The following CEP104 variants were observed in gnomAD, a reference collection of about 807,000 sequenced individuals.
CEP104 encodes the protein centrosomal protein of 104 kDa.
A neutral mutation model predicts 113.3 loss-of-function variants in CEP104; 84 were observed. That is an observed-to-expected ratio of 0.74 (90% confidence interval 0.62 to 0.89). The LOEUF (loss-of-function observed/expected upper bound fraction) is 0.89, where lower values mean the gene tolerates loss of function less well. Ranked by LOEUF, CEP104 falls within the 40% of genes least tolerant of loss-of-function variation. The pLI, the probability that CEP104 is intolerant of heterozygous loss-of-function variation, is 0.00. For missense variants in CEP104, 1,053 were observed against 1,156.6 expected (o/e 0.91, Z 1.30); for synonymous variants, 378 against 421.7 (o/e 0.90, Z 1.27).
intron 17 of CEP104, 61 bp from the exon 18 acceptor site, chr1:3,825,927 G>A (rs780137572): frequency 4.6e-5 from 51 of 1,108,432 alleles, no homozygotes; most frequent in Non-Finnish European, 6.8e-5. Flanking sequence ...TGGCCGTTCC[G>A]CTCCCACGTC....
chr1:3,818,268 A>T (rs1449736593), intron 20 of CEP104, among the ~76,000 whole-genome samples: 1 of 152,162 alleles, frequency 6.6e-6, no homozygotes, highest in East Asian at 1.9e-4. Flanking sequence ...TCCCAGTATC[A>T]TGACCTTAAA....
intron 20 of CEP104, among the ~76,000 whole-genome samples, chr1:3,817,056 C>T (rs145624155): frequency 1.6e-4 from 24 of 152,326 alleles, no homozygotes; most frequent in African/African-American, 4.3e-4. Context: ...CGAGGCTGGG[C>T]GCGGTGGCTC....
intron 20 of CEP104, among the ~76,000 whole-genome samples, chr1:3,821,193 G>A (rs1643965876): frequency 6.6e-6 from 1 of 152,242 alleles, no homozygotes; most frequent in African/African-American, 2.4e-5. Flanking sequence ...CACCAAACAG[G>A]AGGGAGCTCT....
At position 3,833,853 on chromosome 1, in the gene CEP104, A is replaced by C. The variant is rs1276750303; in HGVS notation, c.1659+9T>G. 4 of 1,613,536 alleles carry C rather than the reference A, an allele frequency of 2.5e-6. No homozygotes were observed. The highest frequency in any genetic ancestry group is 3.4e-6 in the Non-Finnish European group (4 of 1,179,618). On this transcript the variant is annotated intron_variant, in intron 12 of 21. Transcript: ENST00000378230. ...TCTACGGTTTCAAATGCCGTGGTGA[A>C]GTTCAGACCTGAATAAAATTTGCAG...
chr1:3,839,759 G>C lies in CEP104; in HGVS notation c.584C>G (p.Ser195Cys). Residue 195 changes from serine to cysteine, a missense_variant, in exon 7 of 22, where the codon TCT becomes TGT. By Grantham distance (112) the Ser-to-Cys change is moderately radical. Transcript: ENST00000378230. ...GTYARKSDYISPLDDLAFDMY... is the reference protein window; with the variant it reads ...GTYARKSDYICPLDDLAFDMY... Reference sequence around the variant, plus strand: ...ATCAAAAGCTAAGTCATCTAGCGGAGAGATATAGTCAGATTTCCTAAAGGG... The same window carrying C: ...ATCAAAAGCTAAGTCATCTAGCGGACAGATATAGTCAGATTTCCTAAAGGG... 1 of 1,612,184 alleles carries C rather than the reference G, an allele frequency of 6.2e-7. No individual in the cohort carries two copies. The highest frequency in any genetic ancestry group is 8.5e-7 in the Non-Finnish European group (1 of 1,179,486).
intron 3 of CEP104, among the ~76,000 whole-genome samples, chr1:3,848,127 G>A (rs28664230): frequency 0.046 from 7,074 of 152,144 alleles, 560 homozygotes; most frequent in African/African-American, 0.16. Flanking sequence ...AGAAATTATA[G>A]CGCTGCTTTT....
chr1:3,835,082 G>C lies in CEP104; in HGVS notation c.1328C>G (p.Ala443Gly), dbSNP rs746437941. 1.9e-6 allele frequency: 3 copies of C among 1,612,536 alleles called. No homozygotes were observed. Among genetic ancestry groups the C allele is most frequent in the Non-Finnish European group, 2.5e-6 (3 of 1,179,268 alleles). ...DVLGETLVAE[A>G]YCKTWSYRED... ...TCGGTAGGACCACGTCTTACAATAGGCCTCAGCAACCTACCACAAAACAGG... is the reference window on the plus strand; with the variant it reads ...TCGGTAGGACCACGTCTTACAATAGCCCTCAGCAACCTACCACAAAACAGG... Residue 443 changes from alanine (A) to glycine (G), a missense_variant, in exon 11 of 22, where the codon GCC (alanine) becomes GGC (glycine). Transcript: ENST00000378230.
Position 3,834,919 on chromosome 1 carries a change from A to G in CEP104, c.1485+6T>C, listed in dbSNP as rs1644281461. 1.3e-6 allele frequency: 2 copies of G among 1,575,442 alleles called. No individual in the cohort carries two copies. Among genetic ancestry groups the G allele is most frequent in the Admixed American group, 3.8e-5 (2 of 53,320 alleles). On this transcript the variant is annotated splice_donor_region_variant and intron_variant, in intron 11 of 21. Transcript: ENST00000378230. Reference sequence around the variant, plus strand: ...GCTGGAGCCAGCGCCAGCTGAGGGCACTCACGGAGGTCACAATGTCCTTTA... The same window carrying G: ...GCTGGAGCCAGCGCCAGCTGAGGGCGCTCACGGAGGTCACAATGTCCTTTA...
intron 3 of CEP104, 30 bp from the exon 4 acceptor site, chr1:3,847,643 G>A (rs751479504): frequency 6.2e-7 from 1 of 1,612,990 alleles, no homozygotes; most frequent in East Asian, 2.2e-5. Flanking sequence ...TGAAGAATTT[G>A]AAAATGTGCT....
intron 1 of CEP104, 34 bp downstream of exon 1, chr1:3,856,855 C>T (rs1282842103): frequency 6.6e-6 from 1 of 151,508 alleles, no homozygotes; most frequent in Non-Finnish European, 1.5e-5. Context: ...CCCACTCCGG[C>T]CCTGGGCCGG....
intron 9 of CEP104, chr1:3,837,075 A>G: frequency 1.8e-6 from 1 of 562,096 alleles, no homozygotes. Context: ...ATAAGCATCA[A>G]GCCTGATTTT....
At chr1:3,824,877 C>T (rs34659788) in intron 18 of CEP104, among the ~76,000 whole-genome samples, 68,331 of 104,458 alleles carry the variant, frequency 0.65, 20,658 homozygotes, top group African/African-American at 0.76. Flanking sequence ...GTGGGAAGGG[C>T]GGCAGTGGCA....
chr1:3,835,688 T>C (rs1644296000), intron 10 of CEP104, among the ~76,000 whole-genome samples: 1 of 152,132 alleles, frequency 6.6e-6, no homozygotes, highest in Admixed American at 6.6e-5. Flanking sequence ...CTCATTTCTA[T>C]AAGGAGATAC....
chr1:3,829,203 A>C, intron 15 of CEP104, 63 bp downstream of exon 15: 1 of 1,098,560 alleles, frequency 9.1e-7, no homozygotes, highest in South Asian at 1.6e-5. Context: ...TATGATGTGG[A>C]TCTATACAGC....
intron 15 of CEP104, among the ~76,000 whole-genome samples, chr1:3,827,144 G>A (rs1416232869): frequency 1.3e-5 from 2 of 152,178 alleles, no homozygotes; most frequent in African/African-American, 2.4e-5. Context: ...ACCACTGACT[G>A]TGGAAAACAC....
Position 3,848,999 on chromosome 1 carries a change from T to C in CEP104, c.114-218A>G, listed in dbSNP as rs3765778. Among the ~76,000 whole-genome samples, 55,719 of 152,000 alleles carry C rather than the reference T, an allele frequency of 0.37. 12,483 individuals are homozygous for C. The highest frequency in any genetic ancestry group is 0.64 in the African/African-American group (26,487 of 41,428). On this transcript the variant is annotated intron_variant, in intron 2 of 21. Coordinates refer to ENST00000378230, the MANE Select transcript of CEP104 (RefSeq NM_014704.4). ...AGCTGGGAATTGAAATTTGACTTGA[T>C]CTGCCTGTAACCCTATAGGAATCAT...
chr1:3,823,399 C>T lies in CEP104; in HGVS notation c.2503+25G>A, dbSNP rs375007847. 112 of 1,614,016 alleles carry T rather than the reference C, an allele frequency of 6.9e-5. No homozygotes were observed. The highest frequency in any genetic ancestry group is 8.4e-5 in the Non-Finnish European group (99 of 1,180,008). On this transcript the variant is annotated intron_variant, in intron 19 of 21. Coordinates refer to ENST00000378230, the MANE Select transcript of CEP104 (RefSeq NM_014704.4). This position sits in a 1 kb window ranked among gnomAD's most constrained non-coding sequence, Gnocchi z 4.1. ...GAGGACCCCTGGTGACCCGAGGGCA[C>T]GGGAGCCTGGGAAGGGGCACTCACG...
intron 1 of CEP104, among the ~76,000 whole-genome samples, chr1:3,854,557 CT>C (rs1644675099): frequency 6.6e-6 from 1 of 151,722 alleles, no homozygotes; most frequent in Non-Finnish European, 1.5e-5. Context: ...TAACCTCTGT[CT>C]CCCTGGTTCA....
intron 2 of CEP104, 133 bp from the exon 3 acceptor site, chr1:3,848,914 T>C (rs1448060569): frequency 9.2e-6 from 6 of 649,258 alleles, no homozygotes; most frequent in South Asian, 2.0e-5. Context: ...TAGGTACTGA[T>C]GGTACAAAGA....
Sources: allele counts gnomAD v4.1 joint callset (sites outside exome capture counted in the v4.1 genomes callset), GRCh38; gene constraint gnomAD v4.1.1; non-coding constraint Gnocchi (gnomAD v3.1); transcripts MANE v1.5; gene names NCBI Gene and HGNC (gene_info 2026-07-23, HGNC 2026-07-21).